ADAMTS2: variants seen among roughly 807,000 people sequenced by gnomAD.
ADAMTS2 encodes the protein ADAM metallopeptidase with thrombospondin type 1 motif 2, also known as A disintegrin and metalloproteinase with thrombospondin motifs 2.
ADAMTS2 carries 50 observed loss-of-function variants against 123.0 expected under a neutral mutation model. The ratio of observed to expected loss-of-function variants is 0.41; its 90% CI spans 0.32 to 0.51. The LOEUF is 0.51. Among genes scored for constraint, ADAMTS2 ranks in the 20% least tolerant of loss-of-function variants. The pLI, the probability that ADAMTS2 is intolerant of heterozygous loss-of-function variation, is 0.35. For synonymous variants in ADAMTS2, 678 were observed against 695.4 expected (o/e 0.98, Z 0.39); for missense variants, 1,494 against 1,705.2 (o/e 0.88, Z 2.18).
chr5:179,124,146 G>C (rs888329949), intron 19 of ADAMTS2, among the ~76,000 whole-genome samples: 2 of 152,146 alleles, frequency 1.3e-5, no homozygotes, highest in Non-Finnish European at 2.9e-5. Flanking sequence ...GTAAGCCCCT[G>C]CAACTGCAAG....
intron 3 of ADAMTS2, among the ~76,000 whole-genome samples, chr5:179,261,491 C>T (rs966944134): frequency 5.9e-5 from 9 of 152,158 alleles, no homozygotes; most frequent in African/African-American, 2.2e-4. Flanking sequence ...AGGGCTCGAG[C>T]GCGTCTGGGC....
intron 2 of ADAMTS2, among the ~76,000 whole-genome samples, chr5:179,316,721 A>C (rs1581269555): frequency 1.3e-5 from 2 of 152,290 alleles, no homozygotes; most frequent in African/African-American, 4.8e-5. Flanking sequence ...AGAACCGCTT[A>C]AGTCCAGAAG....
intron 5 of ADAMTS2, among the ~76,000 whole-genome samples, chr5:179,167,219 G>C (rs1215847780): frequency 6.8e-6 from 1 of 147,998 alleles, no homozygotes; most frequent in Non-Finnish European, 1.5e-5. Context: ...GCCGGAAAGA[G>C]GTCGGGGTGC....
intron 3 of ADAMTS2, among the ~76,000 whole-genome samples, chr5:179,271,296 G>C (rs1766524738): frequency 6.6e-6 from 1 of 152,150 alleles, no homozygotes; most frequent in Non-Finnish European, 1.5e-5. Flanking sequence ...CAGAGACATG[G>C]CCAAGGGCAC....
intron 2 of ADAMTS2, among the ~76,000 whole-genome samples, chr5:179,336,155 C>T (rs1341811982): frequency 2.0e-5 from 3 of 152,216 alleles, no homozygotes; most frequent in African/African-American, 4.8e-5. Flanking sequence ...AGGATGCAAT[C>T]GGCGGGTCTC....
intron 3 of ADAMTS2, among the ~76,000 whole-genome samples, chr5:179,219,924 C>T (rs2113403540): frequency 6.6e-6 from 1 of 152,342 alleles, no homozygotes; most frequent in South Asian, 2.1e-4. Context: ...CACTCACCTC[C>T]AAGGATTCAC....
chr5:179,209,535 CAT>C lies in ADAMTS2; in HGVS notation c.689-1822_689-1821del, dbSNP rs1491010955. Among the ~76,000 whole-genome samples the C allele has an allele frequency of 5.4e-5, 8 of 147,988 alleles. No individual in the cohort carries two copies. The South Asian group carries it at 6.6e-4, about 12-fold the overall frequency. On this transcript the variant is annotated intron_variant, in intron 3 of 21. Coordinates refer to ENST00000251582, the MANE Select transcript of ADAMTS2 (RefSeq NM_014244.5). ...GCACACACACATGCACACACACACA[CAT>C]GCACACACATGTACACACACACAAG...
chr5:179,315,046 C>T (rs563136529), intron 2 of ADAMTS2, among the ~76,000 whole-genome samples: 6 of 147,686 alleles, frequency 4.1e-5, no homozygotes, highest in Non-Finnish European at 7.5e-5. Flanking sequence ...CCACCCCCCC[C>T]ACAATCCCCA....
chr5:179,226,089 C>A (rs560779812), intron 3 of ADAMTS2, among the ~76,000 whole-genome samples: 1 of 152,270 alleles, frequency 6.6e-6, no homozygotes, highest in Non-Finnish European at 1.5e-5. Context: ...AAGAAGGAAG[C>A]CACACCCCCA....
At chr5:179,279,646 G>A (rs1013109982) in intron 2 of ADAMTS2, among the ~76,000 whole-genome samples, 1 of 152,222 alleles carries the variant, frequency 6.6e-6, no homozygotes, top group Non-Finnish European at 1.5e-5. Flanking sequence ...TAACAACCTT[G>A]GGAGCTTTCA....
chr5:179,190,210 G>C (rs1050868200), intron 4 of ADAMTS2, among the ~76,000 whole-genome samples: 8 of 152,164 alleles, frequency 5.3e-5, no homozygotes, highest in African/African-American at 1.7e-4. Flanking sequence ...TGTTGGGGTG[G>C]TGAAAATTTT....
At chr5:179,126,662 C>T (rs888878319) in intron 17 of ADAMTS2, among the ~76,000 whole-genome samples, 3 of 152,248 alleles carry the variant, frequency 2.0e-5, no homozygotes, top group Admixed American at 1.3e-4. Context: ...GACACCCCAC[C>T]GTGCACAGGA....
At chr5:179,326,080 C>T (rs1326517338) in intron 2 of ADAMTS2, among the ~76,000 whole-genome samples, 2 of 152,232 alleles carry the variant, frequency 1.3e-5, no homozygotes, top group Non-Finnish European at 2.9e-5. Flanking sequence ...CCTCCATTTC[C>T]CTTCTTGGGG....
intron 3 of ADAMTS2, among the ~76,000 whole-genome samples, chr5:179,245,267 C>T (rs1157085348): frequency 6.6e-6 from 1 of 151,752 alleles, no homozygotes; most frequent in African/African-American, 2.4e-5. Flanking sequence ...CTGGAAAGGG[C>T]AAGGAAACAG....
rs1350537352 is a variant in ADAMTS2, at chr5:179,317,341, C to G, written c.534+26426G>C. On this transcript the variant is annotated intron_variant, in intron 2 of 21. Transcript: ENST00000251582. The surrounding 1 kb of genome is among the most constrained non-coding windows in gnomAD (Gnocchi z 4.9). ...TCGCTGATATGGTAACACAATATCA[C>G]ACATCTCATCCAAGCCTGCTCGGAC... Among the ~76,000 whole-genome samples, 2 of 152,200 alleles carry G rather than the reference C, an allele frequency of 1.3e-5. No individual in the cohort carries two copies. Among genetic ancestry groups the G allele is most frequent in the Non-Finnish European group, 2.9e-5 (2 of 68,038 alleles).
intron 12 of ADAMTS2, among the ~76,000 whole-genome samples, chr5:179,137,489 G>A (rs2113217642): frequency 6.6e-6 from 1 of 152,390 alleles, no homozygotes; most frequent in South Asian, 2.1e-4. Context: ...ACGGTGAACT[G>A]CAGGAGCCCG....
Position 179,114,224 on chromosome 5 carries a change from A to G in ADAMTS2, c.3279T>C (p.Cys1093=), listed in dbSNP as rs73806887. The part of the protein sequence containing the change: ...PGYNKLCCKS[C]NLYNNLTNVE... ...CGTTGGTGAGGTTGTTGTACAGGTT[A>G]CAGGACTTGCAGCACAGCTTGTTGT... The change falls in exon 22 of 22, where the codon TGT becomes TGC. Residue 1093 remains cysteine (C), a synonymous_variant. Transcript: ENST00000251582. 2,162 of 1,613,802 alleles carry G rather than the reference A, an allele frequency of 1.3e-3. 26 individuals carry two copies. In the African/African-American group the frequency reaches 0.025, roughly 19 times the overall value.
chr5:179,227,481 G>A (rs576495863), intron 3 of ADAMTS2, among the ~76,000 whole-genome samples: 28 of 152,294 alleles, frequency 1.8e-4, no homozygotes, highest in African/African-American at 6.7e-4. Context: ...CGATCTGCTT[G>A]GCCTGGCTCT....
intron 4 of ADAMTS2, among the ~76,000 whole-genome samples, chr5:179,199,947 C>A (rs1309144111): frequency 1.3e-5 from 2 of 152,098 alleles, no homozygotes; most frequent in Admixed American, 1.3e-4. Context: ...TATTAAAAAG[C>A]AAATAAAAAG....
Sources: allele counts gnomAD v4.1 joint callset (sites outside exome capture counted in the v4.1 genomes callset), GRCh38; gene constraint gnomAD v4.1.1; non-coding constraint Gnocchi (gnomAD v3.1); transcripts MANE v1.5; gene names NCBI Gene and HGNC (gene_info 2026-07-23, HGNC 2026-07-21).